The following DTD2 variants were observed in gnomAD, a reference collection of about 807,000 sequenced individuals.
The protein encoded by DTD2 is D-tyrosyl-tRNA deacylase 2 (putative).
Under a neutral mutation model 15.5 loss-of-function variants are expected in DTD2, and 12 were observed. That is an observed-to-expected ratio of 0.77 (90% CI 0.50 to 1.25). The LOEUF (loss-of-function observed/expected upper bound fraction) is 1.25, where lower values mean the gene tolerates loss of function less well. Among genes scored for constraint, DTD2 ranks in the 50% most tolerant of loss-of-function variants. DTD2 has a pLI of 0.00. For missense variants in DTD2, 170 were observed against 201.1 expected (o/e 0.85, Z 0.93); for synonymous variants, 59 against 77.3 (o/e 0.76, Z 1.24).
intron 1 of DTD2, 103 bp downstream of exon 1, chr14:31,457,180 G>A: frequency 2.7e-6 from 3 of 1,124,274 alleles, no homozygotes; most frequent in East Asian, 2.8e-5. Context: ...CGGCCGGACC[G>A]CCGGTCTCAG....
rs142862707 is a variant in DTD2, at chr14:31,449,185, G to A, written c.182-731C>T. On this transcript the variant is annotated intron_variant, in intron 2 of 2. Coordinates refer to ENST00000310850, the MANE Select transcript of DTD2 (RefSeq NM_080664.3). ...TGGGATTACAGGCGTGAGCCACCAC[G>A]CCCAGCTAAATTCTTCTTTATAATG... Among the ~76,000 whole-genome samples, 854 of 152,286 alleles carry A rather than the reference G, an allele frequency of 5.6e-3. 3 individuals carry two copies. Among genetic ancestry groups the A allele is most frequent in the Non-Finnish European group, 9.0e-3 (611 of 68,018 alleles).
chr14:31,446,924 A>T lies in DTD2; in HGVS notation c.*1205T>A, dbSNP rs1473898229. The T allele has an allele frequency of 6.6e-6, 1 of 152,216 alleles. No individual in the cohort carries two copies. Among genetic ancestry groups the T allele is most frequent in the Non-Finnish European group, 1.5e-5 (1 of 68,026 alleles). 9.4% of individuals were successfully genotyped at this position (152,216 alleles called of 1,614,324 possible). On this transcript the variant is annotated 3_prime_UTR_variant, in exon 3 of 3. Transcript: ENST00000310850. Reference sequence around the variant, plus strand: ...TGAACTAACACTAATTTCATGAACCAGTTCTTTAAAAAGCGAAGACAAAAA... The same window carrying T: ...TGAACTAACACTAATTTCATGAACCTGTTCTTTAAAAAGCGAAGACAAAAA...
chr14:31,457,479 G>T lies in DTD2; in HGVS notation c.-86C>A. On this transcript the variant is annotated 5_prime_UTR_variant, in exon 1 of 3. Transcript: ENST00000310850. ...GACGCGCTGGCGGGGCAGACGAGGC[G>T]GGGCACGACGAAGGGCCTGCGCCGA... The T allele has an allele frequency of 9.4e-7, 1 of 1,059,872 alleles. No individual in the cohort carries two copies. The highest frequency in any genetic ancestry group is 1.3e-6 in the Non-Finnish European group (1 of 767,322). The allele number at this position is 1,059,872 out of a possible 1,614,324, so 65.7% of individuals were successfully genotyped here.
chr14:31,453,409 G>T, intron 1 of DTD2, 65 bp from the exon 2 acceptor site: 2 of 1,383,272 alleles, frequency 1.4e-6, no homozygotes, highest in South Asian at 1.2e-5. Context: ...GGGCTAAATG[G>T]GTACAGTTTC....
Position 31,448,023 on chromosome 14 carries a change from TA to T in DTD2, c.*105del. On this transcript the variant is annotated 3_prime_UTR_variant, in exon 3 of 3. Coordinates refer to ENST00000310850, the MANE Select transcript of DTD2 (RefSeq NM_080664.3). ...ATATGAAACCCAAGATTTTCCTGTCTAAAAATGCTGAAGATTAGTATATTCA... is the reference window on the plus strand; with the variant it reads ...ATATGAAACCCAAGATTTTCCTGTCTAAAATGCTGAAGATTAGTATATTCA... The T allele has an allele frequency of 2.9e-6, 3 of 1,036,812 alleles. No homozygotes were observed. Among genetic ancestry groups the T allele is most frequent in the Non-Finnish European group, 4.2e-6 (3 of 712,734 alleles). The allele number at this position is 1,036,812 out of a possible 1,614,324, so 64.2% of individuals were successfully genotyped here.
intron 1 of DTD2, among the ~76,000 whole-genome samples, chr14:31,455,022 A>T (rs2032079645): frequency 6.6e-6 from 1 of 152,226 alleles, no homozygotes; most frequent in Non-Finnish European, 1.5e-5. Context: ...TCACCATCTA[A>T]ATTACTTGTC....
intron 2 of DTD2, among the ~76,000 whole-genome samples, chr14:31,451,446 CCT>C (rs71430960): frequency 4.6e-4 from 69 of 150,484 alleles, no homozygotes; most frequent in African/African-American, 1.5e-4. Flanking sequence ...CCGCGCCTGG[CCT>C]CTCTCTCTCT....
At position 31,447,073 on chromosome 14, in the gene DTD2, G is replaced by A. The variant is rs1384738460; in HGVS notation, c.*1056C>T. On this transcript the variant is annotated 3_prime_UTR_variant, in exon 3 of 3. Coordinates refer to ENST00000310850, the MANE Select transcript of DTD2 (RefSeq NM_080664.3). ...CTTATATCAAGTAAAGATTCTTAAAGTAATGTAAAACATTTGAATGTCCCT... is the reference window on the plus strand; with the variant it reads ...CTTATATCAAGTAAAGATTCTTAAAATAATGTAAAACATTTGAATGTCCCT... 1 of 152,062 alleles carries A rather than the reference G, an allele frequency of 6.6e-6. No individual in the cohort carries two copies. Among genetic ancestry groups the A allele is most frequent in the South Asian group, 2.1e-4 (1 of 4,824 alleles). 9.4% of individuals were successfully genotyped at this position (152,062 alleles called of 1,614,324 possible).
chr14:31,454,101 A>T (rs1812507225), intron 1 of DTD2, among the ~76,000 whole-genome samples: 1 of 152,146 alleles, frequency 6.6e-6, no homozygotes, highest in African/African-American at 2.4e-5. Context: ...GATTTTTTTG[A>T]TTCTGTAAAT....
At chr14:31,450,313 A>G (rs2032016588) in intron 2 of DTD2, among the ~76,000 whole-genome samples, 1 of 152,244 alleles carries the variant, frequency 6.6e-6, no homozygotes, top group South Asian at 2.1e-4. Flanking sequence ...AATTAATGGC[A>G]TGCTGGAAAC....
Position 31,448,269 on chromosome 14 carries a change from CAAATTGAGAGTA to C in DTD2, c.355_366del (p.Tyr119_Phe122del), listed in dbSNP as rs1375735061. 1.2e-6 allele frequency: 2 copies of C among 1,614,188 alleles called. No individual in the cohort carries two copies. Among genetic ancestry groups the C allele is most frequent in the Non-Finnish European group, 1.7e-6 (2 of 1,180,028 alleles). On this transcript the variant is annotated inframe_deletion, in exon 3 of 3. Coordinates refer to ENST00000310850, the MANE Select transcript of DTD2 (RefSeq NM_080664.3). Reference sequence around the variant, plus strand: ...GCTACTTCTTTTTCACATAGAGTCACAAATTGAGAGTAAAGTTCAAACCCTTCTTCTTTTCCA... The same window carrying C: ...GCTACTTCTTTTTCACATAGAGTCACAAGTTCAAACCCTTCTTCTTTTCCA...
At chr14:31,449,890 T>A (rs1303393299) in intron 2 of DTD2, among the ~76,000 whole-genome samples, 3 of 152,264 alleles carry the variant, frequency 2.0e-5, no homozygotes, top group African/African-American at 7.2e-5. Flanking sequence ...GGAATTAATC[T>A]GGTAAAAACC....
At chr14:31,456,128 C>T (rs1406255503) in intron 1 of DTD2, among the ~76,000 whole-genome samples, 2 of 152,152 alleles carry the variant, frequency 1.3e-5, no homozygotes, top group Non-Finnish European at 2.9e-5. Context: ...TGCGGTGGCT[C>T]AGGCTTGTAA....
At position 31,453,092 on chromosome 14, in the gene DTD2, C is replaced by T. The variant is rs1397487507; in HGVS notation, c.181+183G>A. Among the ~76,000 whole-genome samples, 8 of 152,072 alleles carry T rather than the reference C, an allele frequency of 5.3e-5. No homozygotes were observed. In the South Asian group the frequency reaches 6.2e-4, roughly 12 times the overall value. ...AGCTAGGACCATAGGCACAGGTCAC[C>T]GTACCCAGCTACTTTTGTTTATTTT... On this transcript the variant is annotated intron_variant, in intron 2 of 2. Coordinates refer to ENST00000310850, the MANE Select transcript of DTD2 (RefSeq NM_080664.3).
At chr14:31,451,311 C>G (rs1205160169) in intron 2 of DTD2, among the ~76,000 whole-genome samples, 1 of 151,974 alleles carries the variant, frequency 6.6e-6, no homozygotes, top group Non-Finnish European at 1.5e-5. Flanking sequence ...CCACACCCGG[C>G]TAATTTTTTT....
intron 2 of DTD2, chr14:31,452,380 A>C (rs975000613): frequency 6.6e-6 from 1 of 152,200 alleles, no homozygotes; most frequent in South Asian, 2.1e-4. Context: ...AAGTTTCTGT[A>C]TCCTTGGCTG....
intron 1 of DTD2, among the ~76,000 whole-genome samples, chr14:31,456,500 C>T (rs1037088216): frequency 1.3e-5 from 2 of 151,920 alleles, no homozygotes; most frequent in African/African-American, 2.4e-5. Context: ...GCAGAAAAGG[C>T]GAGCGAATGA....
intron 1 of DTD2, 152 bp downstream of exon 1, chr14:31,457,131 G>A (rs1270110120): frequency 3.0e-6 from 2 of 671,134 alleles, no homozygotes; most frequent in Non-Finnish European, 5.1e-6. Flanking sequence ...CAGCCAGGCA[G>A]GCCACCGCGG....
intron 2 of DTD2, among the ~76,000 whole-genome samples, chr14:31,449,550 G>A (rs751501336): frequency 1.3e-5 from 2 of 151,984 alleles, no homozygotes; most frequent in East Asian, 1.9e-4. Flanking sequence ...AAGAAGTGTC[G>A]AAACCACCAT....
Sources: gnomAD v4.1 joint callset for allele counts (sites outside exome capture counted in the v4.1 genomes callset) on GRCh38, gnomAD v4.1.1 for gene constraint, MANE v1.5 for transcripts, NCBI Gene and HGNC (gene_info 2026-07-23, HGNC 2026-07-21) for gene names.